Variants in ATP8A2 observed in about 807,000 individuals in gnomAD.
ATP8A2 encodes the protein phospholipid-transporting ATPase IB.
In ATP8A2, 100 loss-of-function variants were observed where a neutral mutation model predicts 165.6. The ratio of observed to expected loss-of-function variants is 0.60; its 90% CI spans 0.51 to 0.71. The LOEUF (loss-of-function observed/expected upper bound fraction) is 0.71. Among genes scored for constraint, ATP8A2 ranks in the 30% least tolerant of loss-of-function variants. The probability of loss-of-function intolerance (pLI) is 0.00; values close to 1 mark genes in which losing one functional copy is unlikely to be tolerated. For synonymous variants in ATP8A2, 543 were observed against 548.8 expected (o/e 0.99, Z 0.15); for missense variants, 1,227 against 1,479.5 (o/e 0.83, Z 2.80).
intron 33 of ATP8A2, among the ~76,000 whole-genome samples, chr13:25,868,595 GTA>G (rs1258179981): frequency 6.6e-6 from 1 of 152,176 alleles, no homozygotes; most frequent in African/African-American, 2.4e-5. Context: ...TTTGCAAGAA[GTA>G]ACACACTGTG....
intron 24 of ATP8A2, among the ~76,000 whole-genome samples, chr13:25,607,783 G>A (rs1211086180): frequency 1.3e-5 from 2 of 152,154 alleles, no homozygotes; most frequent in Admixed American, 1.3e-4. Flanking sequence ...TAATGAAGTA[G>A]ATTCATCTAC....
intron 1 of ATP8A2, among the ~76,000 whole-genome samples, chr13:25,404,422 T>G (rs2033733250): frequency 6.6e-6 from 1 of 152,170 alleles, no homozygotes; most frequent in Non-Finnish European, 1.5e-5. Context: ...TTGGAGGATG[T>G]GACCGTGCCA....
At chr13:25,606,874 A>G (rs1217364520) in intron 24 of ATP8A2, among the ~76,000 whole-genome samples, 10 of 152,160 alleles carry the variant, frequency 6.6e-5, no homozygotes, top group Admixed American at 6.5e-4. Flanking sequence ...GCCACATGTG[A>G]CTAGTGGCTA....
chr13:25,524,875 ATTGT>A (rs2137868151), intron 2 of ATP8A2, among the ~76,000 whole-genome samples: 1 of 148,436 alleles, frequency 6.7e-6, no homozygotes, highest in East Asian at 2.0e-4. Context: ...TTGTTTTCTC[ATTGT>A]TTGATAACTT....
At chr13:25,397,804 A>C (rs1176611418) in intron 1 of ATP8A2, among the ~76,000 whole-genome samples, 1 of 152,216 alleles carries the variant, frequency 6.6e-6, no homozygotes, top group Non-Finnish European at 1.5e-5. Context: ...AATACATATA[A>C]GGTGTACATT....
chr13:25,560,903 T>G (rs1323913529), intron 15 of ATP8A2, among the ~76,000 whole-genome samples: 1 of 151,534 alleles, frequency 6.6e-6, no homozygotes, highest in Non-Finnish European at 1.5e-5. Context: ...TTTTTTTTTT[T>G]TGAGACGGAG....
chr13:25,958,424 C>T (rs2139175218), intron 33 of ATP8A2, among the ~76,000 whole-genome samples: 1 of 152,314 alleles, frequency 6.6e-6, no homozygotes, highest in East Asian at 1.9e-4. Flanking sequence ...TCCTGATCCG[C>T]AGGTGCATGG....
intron 1 of ATP8A2, among the ~76,000 whole-genome samples, chr13:25,456,425 G>T (rs2035365215): frequency 6.6e-6 from 1 of 152,204 alleles, no homozygotes; most frequent in Non-Finnish European, 1.5e-5. Flanking sequence ...AGACTGGACT[G>T]CTGCACATGG....
At chr13:25,695,563 GT>G (rs1477972722) in intron 24 of ATP8A2, among the ~76,000 whole-genome samples, 2 of 152,220 alleles carry the variant, frequency 1.3e-5, no homozygotes, top group Non-Finnish European at 2.9e-5. Flanking sequence ...TATCAACTAA[GT>G]TTATGTCATG....
intron 2 of ATP8A2, among the ~76,000 whole-genome samples, chr13:25,489,349 T>A (rs2036450216): frequency 6.6e-6 from 1 of 152,306 alleles, no homozygotes; most frequent in South Asian, 2.1e-4. Context: ...TTCGTCCTCC[T>A]GGAGGGCCCT....
At position 26,020,393 on chromosome 13, in the gene ATP8A2, G is replaced by C. The variant is rs531035240; in HGVS notation, c.*408G>C. 1 of 164,558 alleles carries C rather than the reference G, an allele frequency of 6.1e-6. No homozygotes were observed. Among genetic ancestry groups the C allele is most frequent in the Non-Finnish European group, 1.3e-5 (1 of 76,328 alleles). 10.2% of individuals were successfully genotyped at this position (164,558 alleles called of 1,614,324 possible). ...TTGGAGCAGGGCACACTTGCTTCCTGTTGAGTTAACTCAGAGGTTAAGTCC... is the reference window on the plus strand; with the variant it reads ...TTGGAGCAGGGCACACTTGCTTCCTCTTGAGTTAACTCAGAGGTTAAGTCC... On this transcript the variant is annotated 3_prime_UTR_variant, in exon 37 of 37. Transcript: ENST00000381655.
intron 23 of ATP8A2, among the ~76,000 whole-genome samples, chr13:25,584,689 T>A (rs1430742777): frequency 1.3e-5 from 2 of 152,232 alleles, no homozygotes; most frequent in Non-Finnish European, 2.9e-5. Context: ...GGCTCTTGAC[T>A]TCTGGTGTGG....
At chr13:25,456,117 GTTC>G (rs1187041962) in intron 1 of ATP8A2, among the ~76,000 whole-genome samples, 1 of 152,186 alleles carries the variant, frequency 6.6e-6, no homozygotes, top group East Asian at 1.9e-4. Flanking sequence ...TGCACGGGAT[GTTC>G]TTCTCCATCT....
At chr13:25,616,522 G>C (rs761150027) in intron 24 of ATP8A2, among the ~76,000 whole-genome samples, 7 of 151,682 alleles carry the variant, frequency 4.6e-5, no homozygotes, top group African/African-American at 7.3e-5. Context: ...AGTAGAAATG[G>C]GGTTTCACCA....
At chr13:25,688,806 G>A (rs115675525) in intron 24 of ATP8A2, among the ~76,000 whole-genome samples, 2,375 of 152,286 alleles carry the variant, frequency 0.016, 61 homozygotes, top group African/African-American at 0.053. Flanking sequence ...GCCCAGCTTC[G>A]GCCCTTTCTG....
chr13:25,387,099 G>T (rs1163874420), intron 1 of ATP8A2, among the ~76,000 whole-genome samples: 1 of 152,180 alleles, frequency 6.6e-6, no homozygotes, highest in East Asian at 1.9e-4. Flanking sequence ...TTAATATAGA[G>T]AACTGGCTCA....
intron 33 of ATP8A2, among the ~76,000 whole-genome samples, chr13:25,960,952 T>G (rs1955645857): frequency 1.3e-5 from 2 of 152,192 alleles, no homozygotes; most frequent in South Asian, 4.1e-4. Context: ...TGTTCATGTT[T>G]CCAGGCACAT....
At chr13:25,937,362 C>CTTTCTTTCTTTCTTTTTTTTTTT in intron 33 of ATP8A2, among the ~76,000 whole-genome samples, 10 of 38,804 alleles carry the variant, frequency 2.6e-4, no homozygotes, top group African/African-American at 6.8e-4. Flanking sequence ...TTCTTTCTTT[C>CTTTCTTTCTTTCTTTTTTTTTTT]TTTTTTTTTT....
At chr13:26,005,232 C>T (rs760847688) in intron 35 of ATP8A2, among the ~76,000 whole-genome samples, 2 of 152,018 alleles carry the variant, frequency 1.3e-5, no homozygotes, top group Non-Finnish European at 2.9e-5. Flanking sequence ...CAATTTGTTG[C>T]CATATGATTG....
Sources: allele counts gnomAD v4.1 joint callset (sites outside exome capture counted in the v4.1 genomes callset), GRCh38; gene constraint gnomAD v4.1.1; transcripts MANE v1.5; gene names NCBI Gene and HGNC (gene_info 2026-07-23, HGNC 2026-07-21).